The following SORCS1 variants were observed in gnomAD, a reference collection of about 807,000 sequenced individuals.
SORCS1 encodes VPS10 domain-containing receptor SorCS1.
In SORCS1, 60 loss-of-function variants were observed where a neutral mutation model predicts 146.1. That is an observed-to-expected ratio of 0.41 (90% confidence interval 0.33 to 0.51). The LOEUF (loss-of-function observed/expected upper bound fraction) is 0.51, where lower values mean the gene tolerates loss of function less well. SORCS1 is among the 20% of genes least tolerant of loss of function. SORCS1 has a pLI of 0.21. For missense variants in SORCS1, 1,352 were observed against 1,487.6 expected (o/e 0.91, Z 1.50); for synonymous variants, 637 against 584.0 (o/e 1.09, Z -1.31).
intron 1 of SORCS1, among the ~76,000 whole-genome samples, chr10:107,091,791 T>G (rs979913130): frequency 1.3e-5 from 2 of 152,240 alleles, no homozygotes; most frequent in African/African-American, 4.8e-5. Context: ...TGGCTACATT[T>G]TATTTTCTTC....
At chr10:107,027,485 G>A (rs1221211553) in intron 1 of SORCS1, among the ~76,000 whole-genome samples, 1 of 152,142 alleles carries the variant, frequency 6.6e-6, no homozygotes, top group Admixed American at 6.5e-5. Context: ...GTGGCAGCGT[G>A]ACATTATCAC....
chr10:107,072,189 C>T (rs907335088), intron 1 of SORCS1, among the ~76,000 whole-genome samples: 2 of 152,222 alleles, frequency 1.3e-5, no homozygotes, highest in Admixed American at 1.3e-4. Context: ...TCCTCCAACC[C>T]TGCAGTCTTC....
the SORCS1 span, among the ~76,000 whole-genome samples, chr10:107,176,480 C>T: frequency 0.76 from 115,414 of 151,432 alleles, 44,669 homozygotes; most frequent in Middle Eastern, 0.86. Context: ...GGACTACATA[C>T]GGGCACTACT....
At chr10:106,686,868 T>A (rs1276804375) in intron 10 of SORCS1, among the ~76,000 whole-genome samples, 2 of 152,116 alleles carry the variant, frequency 1.3e-5, no homozygotes, top group Admixed American at 1.3e-4. Flanking sequence ...CCAGACTTTA[T>A]GGGATGGAAG....
chr10:107,010,555 G>A (rs554281488), intron 1 of SORCS1, among the ~76,000 whole-genome samples: 2 of 152,134 alleles, frequency 1.3e-5, no homozygotes, highest in Non-Finnish European at 1.5e-5. Flanking sequence ...CTGCAGATGT[G>A]TTTCTCCACC....
At chr10:106,719,573 C>T (rs1855635003) in intron 6 of SORCS1, among the ~76,000 whole-genome samples, 1 of 152,018 alleles carries the variant, frequency 6.6e-6, no homozygotes, top group African/African-American at 2.4e-5. Flanking sequence ...ACACAGTGCC[C>T]AGCTACTTTT....
At chr10:106,750,728 CAAAAAAAAAAAAAAAAAAA>C (rs572295853) in intron 5 of SORCS1, among the ~76,000 whole-genome samples, 8 of 24,020 alleles carry the variant, frequency 3.3e-4, no homozygotes, top group Middle Eastern at 0.045. Flanking sequence ...GACTCCCTCT[CAAAAAAAAAAAAAAAAAAA>C]AAAAAAAAAA....
chr10:106,924,466 GATCTATCTATCT>G (rs35692327), intron 2 of SORCS1, among the ~76,000 whole-genome samples: 94 of 130,760 alleles, frequency 7.2e-4, no homozygotes, highest in South Asian at 1.5e-3. Flanking sequence ...CACAGTTATC[GATCTATCTATCT>G]ATCTATCTAT....
At chr10:107,090,668 G>A (rs1032792378) in intron 1 of SORCS1, among the ~76,000 whole-genome samples, 1 of 152,168 alleles carries the variant, frequency 6.6e-6, no homozygotes, top group Non-Finnish European at 1.5e-5. Context: ...ATGCTTAGCT[G>A]GGGTTGGGAG....
intron 16 of SORCS1, 54 bp from the exon 17 acceptor site, chr10:106,667,856 A>G (rs1255323260): frequency 1.6e-6 from 2 of 1,286,034 alleles, no homozygotes; most frequent in African/African-American, 1.5e-5. Context: ...ATTACTGAAA[A>G]CAATTCTACA....
At chr10:107,094,929 G>A (rs911874496) in intron 1 of SORCS1, among the ~76,000 whole-genome samples, 2 of 152,106 alleles carry the variant, frequency 1.3e-5, no homozygotes, top group African/African-American at 4.8e-5. Flanking sequence ...ATGATCTGTC[G>A]GCAAGAGAAA....
chr10:106,841,398 A>C (rs1333437013), intron 2 of SORCS1, among the ~76,000 whole-genome samples: 2 of 151,950 alleles, frequency 1.3e-5, no homozygotes, highest in African/African-American at 4.8e-5. Flanking sequence ...TGAACTCAGG[A>C]GGTGGAGGTT....
At chr10:107,091,725 C>T (rs1160156278) in intron 1 of SORCS1, among the ~76,000 whole-genome samples, 4 of 152,094 alleles carry the variant, frequency 2.6e-5, no homozygotes, top group East Asian at 1.9e-4. Flanking sequence ...CTGCTGGAGA[C>T]CCCCATGTGC....
intron 3 of SORCS1, among the ~76,000 whole-genome samples, chr10:106,790,729 T>C (rs1278291603): frequency 6.6e-6 from 1 of 152,282 alleles, no homozygotes; most frequent in Middle Eastern, 3.4e-3. Flanking sequence ...AATAAAAGAA[T>C]GAAGACAAAG....
At chr10:106,779,461 T>A (rs1860719060) in intron 3 of SORCS1, among the ~76,000 whole-genome samples, 1 of 152,186 alleles carries the variant, frequency 6.6e-6, no homozygotes, top group Non-Finnish European at 1.5e-5. Context: ...TGTTTCTTTC[T>A]ACTTCTTTAT....
In SORCS1 at chr10:106,833,895, G is replaced by A. The variant is rs546095499; in HGVS notation, c.627-4222C>T. ...TGCAAGCTCCGCCTCCTGGGTTCAC[G>A]CCATTCTCCTGCCTCAGCATCCCGA... On this transcript the variant is annotated intron_variant, in intron 2 of 25. Coordinates refer to ENST00000263054, the MANE Select transcript of SORCS1 (RefSeq NM_052918.5). Among the ~76,000 whole-genome samples, 19 of 152,294 alleles carry A rather than the reference G, an allele frequency of 1.2e-4. No individual in the cohort carries two copies. The South Asian group carries it at 3.7e-3, about 30-fold the overall frequency.
intron 5 of SORCS1, among the ~76,000 whole-genome samples, chr10:106,755,584 T>TTGTGTG (rs57442916): frequency 0.029 from 4,341 of 149,926 alleles, 194 homozygotes; most frequent in African/African-American, 0.099. Context: ...AACATAATCT[T>TTGTGTG]TGTGTGTGTG....
intron 1 of SORCS1, among the ~76,000 whole-genome samples, chr10:106,957,722 C>T (rs116281887): frequency 8.2e-4 from 124 of 152,140 alleles, no homozygotes; most frequent in African/African-American, 2.6e-3. Flanking sequence ...GGAAAGAAGC[C>T]GTAGAATTGT....
At chr10:106,717,789 C>T (rs1855482125) in intron 6 of SORCS1, among the ~76,000 whole-genome samples, 3 of 152,222 alleles carry the variant, frequency 2.0e-5, no homozygotes, top group Admixed American at 2.0e-4. Flanking sequence ...TGTCCAATTA[C>T]AATGCAGCAT....
Sources: gnomAD v4.1 joint callset for allele counts (sites outside exome capture counted in the v4.1 genomes callset) on GRCh38, gnomAD v4.1.1 for gene constraint, MANE v1.5 for transcripts, NCBI Gene and HGNC (gene_info 2026-07-23, HGNC 2026-07-21) for gene names.